DCLK1: variants seen among roughly 807,000 people sequenced by gnomAD.
The protein encoded by DCLK1 is doublecortin like kinase 1.
Under a neutral mutation model 86.2 loss-of-function variants are expected in DCLK1, and 16 were observed. That is an observed-to-expected ratio of 0.19 (90% CI 0.13 to 0.28). DCLK1 has a LOEUF of 0.28. Among genes scored for constraint, DCLK1 ranks in the 10% least tolerant of loss-of-function variants. The probability of loss-of-function intolerance (pLI) is 1.00; values close to 1 mark genes in which losing one functional copy is unlikely to be tolerated. For synonymous variants in DCLK1, 369 were observed against 370.5 expected (o/e 1.00, Z 0.05); for missense variants, 590 against 940.2 (o/e 0.63, Z 4.87).
At chr13:35,806,425 A>G (rs2087029149) in intron 14 of DCLK1, among the ~76,000 whole-genome samples, 1 of 152,222 alleles carries the variant, frequency 6.6e-6, no homozygotes, top group South Asian at 2.1e-4. Flanking sequence ...CCTGAAATTA[A>G]TGGAACTTCC....
intron 5 of DCLK1, among the ~76,000 whole-genome samples, chr13:35,865,845 C>T (rs1871749376): frequency 6.6e-6 from 1 of 152,184 alleles, no homozygotes; most frequent in Admixed American, 6.5e-5. Context: ...TTCTGTCCAG[C>T]AATACTATAC....
At chr13:35,916,183 A>C (rs1029067727) in intron 4 of DCLK1, among the ~76,000 whole-genome samples, 6 of 152,224 alleles carry the variant, frequency 3.9e-5, no homozygotes, top group Non-Finnish European at 8.8e-5. Flanking sequence ...GGGCAAAAGA[A>C]ACCAAAACAC....
At chr13:35,936,996 G>GTC (rs1281103521) in intron 4 of DCLK1, among the ~76,000 whole-genome samples, 1 of 88,198 alleles carries the variant, frequency 1.1e-5, no homozygotes, top group Non-Finnish European at 2.4e-5. Flanking sequence ...TTGAGACGGA[G>GTC]TCTCTCTCTG....
chr13:36,062,626 A>G (rs578096836), intron 3 of DCLK1, among the ~76,000 whole-genome samples: 1 of 152,332 alleles, frequency 6.6e-6, no homozygotes, highest in Admixed American at 6.5e-5. Flanking sequence ...ATAATTACAT[A>G]AAGTGGCTGC....
intron 3 of DCLK1, among the ~76,000 whole-genome samples, chr13:36,082,506 AT>A (rs1301751492): frequency 6.6e-6 from 1 of 152,170 alleles, no homozygotes; most frequent in East Asian, 1.9e-4. Context: ...CTCTAATCCC[AT>A]GTTGTTCAAG....
At position 36,100,524 on chromosome 13, in the gene DCLK1, G is replaced by A. The variant is rs561325441; in HGVS notation, c.723+11345C>T. Reference sequence around the variant, plus strand: ...TCCCAGGGGCACTGTATCAACCAACGACAGAAACGAACCTTTTACTGGTTC... The same window carrying A: ...TCCCAGGGGCACTGTATCAACCAACAACAGAAACGAACCTTTTACTGGTTC... On this transcript the variant is annotated intron_variant, in intron 3 of 16. Coordinates refer to ENST00000360631, the MANE Select transcript of DCLK1 (RefSeq NM_001330071.2). Among the ~76,000 whole-genome samples the A allele has an allele frequency of 2.6e-5, 4 of 152,258 alleles. No homozygotes were observed. In the East Asian group the frequency reaches 5.8e-4, roughly 22 times the overall value.
intron 4 of DCLK1, among the ~76,000 whole-genome samples, chr13:35,914,814 G>C (rs1178954770): frequency 1.3e-5 from 2 of 151,936 alleles, no homozygotes; most frequent in East Asian, 3.9e-4. Flanking sequence ...TTTTTTTGAA[G>C]GCAAAGATCA....
chr13:35,839,097 C>T lies in DCLK1; in HGVS notation c.1115G>A (p.Gly372Glu). The T allele has an allele frequency of 6.3e-7, 1 of 1,598,212 alleles. No individual in the cohort carries two copies. The highest frequency in any genetic ancestry group is 8.5e-7 in the Non-Finnish European group (1 of 1,172,534). Residue 372 changes from glycine to glutamate, a missense_variant, in exon 7 of 17, where the codon GGA becomes GAA. This residue lies in a region of DCLK1 where 108 missense variants were observed against 195.7 expected (regional missense o/e 0.55). Coordinates refer to ENST00000360631, the MANE Select transcript of DCLK1 (RefSeq NM_001330071.2). ...CCAAGTCCCAAGCTCATCACCTTCTCCAGGGCCATCGTTCTCATCCATCGA... is the reference window on the plus strand; with the variant it reads ...CCAAGTCCCAAGCTCATCACCTTCTTCAGGGCCATCGTTCTCATCCATCGA... ...CSSMDENDGPGEEVSEEGFQI... is the reference protein window; with the variant it reads ...CSSMDENDGPEEEVSEEGFQI...
Position 36,081,606 on chromosome 13 carries a change from C to T in DCLK1, c.723+30263G>A, listed in dbSNP as rs189937730. 3.3e-5 allele frequency among the ~76,000 whole-genome samples: 5 copies of T among 152,092 alleles called. No homozygotes were observed. In the East Asian group the frequency reaches 9.7e-4, roughly 29 times the overall value. ...GGCATTCTTGGAAAGTTTCATTGTT[C>T]GGGAATTCTAACCTGTGTCACGTAG... On this transcript the variant is annotated intron_variant, in intron 3 of 16. Coordinates refer to ENST00000360631, the MANE Select transcript of DCLK1 (RefSeq NM_001330071.2).
chr13:35,840,725 T>G (rs147333750), intron 6 of DCLK1, among the ~76,000 whole-genome samples: 1 of 152,214 alleles, frequency 6.6e-6, no homozygotes. Context: ...GATTGTCACC[T>G]TGACACAGAG....
chr13:35,808,194 A>G (rs2087068255), intron 14 of DCLK1, 30 bp downstream of exon 14: 2 of 1,576,928 alleles, frequency 1.3e-6, no homozygotes, highest in South Asian at 1.1e-5. Flanking sequence ...CACACAGAAT[A>G]TAGGGAAGAG....
intron 11 of DCLK1, among the ~76,000 whole-genome samples, chr13:35,817,653 C>T (rs1408533850): frequency 6.6e-6 from 1 of 152,130 alleles, no homozygotes; most frequent in Non-Finnish European, 1.5e-5. Context: ...TGGTACATCC[C>T]TTCTCTGGGT....
At chr13:35,784,410 C>A (rs2086584027) in intron 16 of DCLK1, among the ~76,000 whole-genome samples, 1 of 152,136 alleles carries the variant, frequency 6.6e-6, no homozygotes, top group Non-Finnish European at 1.5e-5. Context: ...CAGTGAGCAA[C>A]CTGTTTGAGT....
At chr13:36,021,331 G>A (rs1022547298) in intron 3 of DCLK1, among the ~76,000 whole-genome samples, 1 of 151,142 alleles carries the variant, frequency 6.6e-6, no homozygotes, top group African/African-American at 2.4e-5. Context: ...TAGTAATGGA[G>A]TAAGATAACC....
chr13:35,844,253 A>G (rs1345890764), intron 6 of DCLK1, among the ~76,000 whole-genome samples: 4 of 152,156 alleles, frequency 2.6e-5, no homozygotes, highest in Non-Finnish European at 5.9e-5. Flanking sequence ...AATTTTTTCA[A>G]AAGACTAGAA....
rs767965092 is a variant in DCLK1, at chr13:35,896,607, GA to G, written c.824-25268del. ...TGATATATAGAAAAAAAAAAGTAAA[GA>G]TTTTTTTTTCTTTGAAAGAAAACAG... On this transcript the variant is annotated intron_variant, in intron 4 of 16. Coordinates refer to ENST00000360631, the MANE Select transcript of DCLK1 (RefSeq NM_001330071.2). Among the ~76,000 whole-genome samples the G allele has an allele frequency of 2.3e-3, 229 of 101,638 alleles. 3 individuals carry two copies. Among genetic ancestry groups the G allele is most frequent in the Non-Finnish European group, 2.1e-3 (97 of 46,768 alleles). 66.7% of individuals were successfully genotyped at this position (101,638 alleles called of 152,430 possible).
intron 3 of DCLK1, among the ~76,000 whole-genome samples, chr13:36,014,068 G>A (rs1044899271): frequency 9.1e-4 from 139 of 152,252 alleles, no homozygotes; most frequent in African/African-American, 2.9e-3. Flanking sequence ...GCTTCGGCTC[G>A]CGCACGGTGC....
At chr13:35,971,016 G>T (rs140170049) in intron 3 of DCLK1, among the ~76,000 whole-genome samples, 44 of 152,278 alleles carry the variant, frequency 2.9e-4, no homozygotes, top group African/African-American at 7.7e-4. Flanking sequence ...CTACAAATTT[G>T]TTAGGGTAAC....
Position 36,068,717 on chromosome 13 carries a change from C to T in DCLK1, c.723+43152G>A, listed in dbSNP as rs570885659. Among the ~76,000 whole-genome samples, 11 of 152,196 alleles carry T rather than the reference C, an allele frequency of 7.2e-5. No homozygotes were observed. In the South Asian group the frequency reaches 1.2e-3, roughly 17 times the overall value. On this transcript the variant is annotated intron_variant, in intron 3 of 16. Coordinates refer to ENST00000360631, the MANE Select transcript of DCLK1 (RefSeq NM_001330071.2). ...ACACAACTCAAATTAAATGTGTTCT[C>T]CACAATAAACTTCTGGATTGCTTTA...
Sources: gnomAD v4.1 joint callset for allele counts (sites outside exome capture counted in the v4.1 genomes callset) on GRCh38, gnomAD v4.1.1 for gene constraint, gnomAD v4.1.1 regional missense constraint, MANE v1.5 for transcripts, NCBI Gene and HGNC (gene_info 2026-07-23, HGNC 2026-07-21) for gene names.